DOCK1: variants seen among roughly 807,000 people sequenced by gnomAD.
The protein encoded by DOCK1 is dedicator of cytokinesis protein 1.
DOCK1 carries 138 observed loss-of-function variants against 262.7 expected under a neutral mutation model. The observed-to-expected ratio is 0.53, with a 90% CI of 0.46 to 0.61. DOCK1 has a LOEUF of 0.61. Among genes scored for constraint, DOCK1 ranks in the 20% least tolerant of loss-of-function variants. DOCK1 has a pLI of 0.00. For missense variants in DOCK1, 1,908 were observed against 2,370.7 expected, an observed-to-expected ratio of 0.80 and a Z score of 4.05; for synonymous variants, 866 against 867.4, an observed-to-expected ratio of 1.00 and a Z score of 0.03.
intron 25 of DOCK1, among the ~76,000 whole-genome samples, chr10:127,112,767 C>G (rs2048943516): frequency 6.6e-6 from 1 of 152,178 alleles, no homozygotes. Flanking sequence ...ATTGCCCCAT[C>G]AGTAGAAGTT....
intron 11 of DOCK1, among the ~76,000 whole-genome samples, chr10:127,009,557 TA>T (rs1446552072): frequency 2.6e-5 from 4 of 152,114 alleles, no homozygotes; most frequent in African/African-American, 9.7e-5. Flanking sequence ...AGGTTAATTG[TA>T]AGAGACAGCT....
At position 127,447,426 on chromosome 10, in the gene DOCK1, G is replaced by A. The variant is rs764000818; in HGVS notation, c.5446G>A (p.Val1816Met). Residue 1816 changes from valine to methionine, a missense_variant, in exon 51 of 52, where the codon GTG becomes ATG. By Grantham distance (21) the Val-to-Met change is conservative (BLOSUM62 1). Around this residue, in one of 9 missense-constraint regions of DOCK1, gnomAD observed 383 missense variants for 420.1 expected, o/e 0.91. Transcript: ENST00000623213. ...GCTGAACGGCATGACGGGGGCGGAC[G>A]TGGCCGATGTCCCACCCCCTCTGCC... ...LELNGMTGAD[V>M]ADVPPPLPLK... 46 of 1,613,072 alleles carry A rather than the reference G, an allele frequency of 2.9e-5. No homozygotes were observed. The highest frequency in any genetic ancestry group is 3.3e-4 in the Middle Eastern group (2 of 6,082).
intron 27 of DOCK1, among the ~76,000 whole-genome samples, chr10:127,167,879 A>G (rs1437210795): frequency 1.3e-5 from 2 of 152,096 alleles, no homozygotes; most frequent in Admixed American, 6.5e-5. Context: ...CCTGTGTTCA[A>G]GCTCCTCCCC....
chr10:127,381,475 T>G (rs1998864), intron 37 of DOCK1, 107 bp downstream of exon 37: 242,219 of 911,482 alleles, frequency 0.27, 34,256 homozygotes, highest in East Asian at 0.45. Context: ...TAACTTAAGG[T>G]TTTATGAAAT....
At chr10:126,912,250 G>A (rs2134021275) in intron 1 of DOCK1, among the ~76,000 whole-genome samples, 1 of 152,112 alleles carries the variant, frequency 6.6e-6, no homozygotes, top group East Asian at 1.9e-4. Context: ...CCAATATGGT[G>A]AAACCCCATC....
intron 1 of DOCK1, among the ~76,000 whole-genome samples, chr10:126,909,384 C>T (rs550357940): frequency 1.3e-5 from 2 of 152,282 alleles, no homozygotes; most frequent in South Asian, 2.1e-4. Context: ...AGCTGCTGGG[C>T]GTGTGGCCTG....
At chr10:126,961,664 A>G (rs1399440906) in intron 1 of DOCK1, among the ~76,000 whole-genome samples, 3 of 152,208 alleles carry the variant, frequency 2.0e-5, no homozygotes, top group Non-Finnish European at 4.4e-5. Context: ...CCGTGTTGTA[A>G]TGTGTCAACA....
intron 1 of DOCK1, among the ~76,000 whole-genome samples, chr10:126,940,393 A>G (rs1312804743): frequency 6.6e-6 from 1 of 152,160 alleles, no homozygotes; most frequent in African/African-American, 2.4e-5. Flanking sequence ...CTTCGTACTC[A>G]ATATTCAGAG....
At chr10:126,951,763 T>G (rs1369693220) in intron 1 of DOCK1, among the ~76,000 whole-genome samples, 2 of 151,808 alleles carry the variant, frequency 1.3e-5, no homozygotes, top group Admixed American at 1.3e-4. Context: ...CTAAATCAAA[T>G]GGAAACACGC....
chr10:127,034,468 T>A (rs2043454379), intron 18 of DOCK1, among the ~76,000 whole-genome samples: 1 of 152,136 alleles, frequency 6.6e-6, no homozygotes, highest in Non-Finnish European at 1.5e-5. Flanking sequence ...CAAGATAAGA[T>A]CTGGGTGTGG....
chr10:127,406,849 TTTA>T (rs754552052), intron 40 of DOCK1, among the ~76,000 whole-genome samples: 1 of 152,236 alleles, frequency 6.6e-6, no homozygotes, highest in African/African-American at 2.4e-5. Context: ...TATATACATT[TTTA>T]TTATTATGTT....
intron 16 of DOCK1, among the ~76,000 whole-genome samples, chr10:127,026,959 T>A (rs890222231): frequency 1.3e-5 from 2 of 152,262 alleles, no homozygotes; most frequent in Admixed American, 6.5e-5. Flanking sequence ...TGAAATTTGT[T>A]CCATCACATT....
chr10:126,977,953 T>G lies in DOCK1; in HGVS notation c.136T>G (p.Tyr46Asp). The change falls in exon 3 of 52, where the codon TAC (tyrosine) becomes GAC (aspartate). Residue 46 changes from tyrosine to aspartate, a missense_variant. Transcript: ENST00000623213. ...VHILETYEGW[Y>D]RGYTLRKKSK... Reference sequence around the variant, plus strand: ...TCAACTTTGTGTTTGTTTAGGGTGGTACCGAGGTTACACGTTACGAAAAAA... The same window carrying G: ...TCAACTTTGTGTTTGTTTAGGGTGGGACCGAGGTTACACGTTACGAAAAAA... 1 of 1,614,006 alleles carries G rather than the reference T, an allele frequency of 6.2e-7. No individual in the cohort carries two copies. The highest frequency in any genetic ancestry group is 1.1e-5 in the South Asian group (1 of 91,078).
chr10:127,276,587 C>A (rs886262229), intron 29 of DOCK1, among the ~76,000 whole-genome samples: 1 of 152,118 alleles, frequency 6.6e-6, no homozygotes, highest in Non-Finnish European at 1.5e-5. Flanking sequence ...ACTGGTGACA[C>A]GGACATTTCA....
chr10:127,221,721 A>T (rs1312261639), intron 27 of DOCK1, among the ~76,000 whole-genome samples: 3 of 152,236 alleles, frequency 2.0e-5, no homozygotes, highest in Non-Finnish European at 4.4e-5. Context: ...TGTCCGGTGC[A>T]ACTCAGGGGA....
At chr10:127,244,750 AT>A (rs1014788666) in intron 27 of DOCK1, among the ~76,000 whole-genome samples, 5 of 152,104 alleles carry the variant, frequency 3.3e-5, no homozygotes, top group Admixed American at 3.3e-4. Context: ...AATATGTCTT[AT>A]TTTTACTTAT....
intron 31 of DOCK1, among the ~76,000 whole-genome samples, chr10:127,352,155 C>T (rs1205151066): frequency 2.2e-5 from 3 of 136,694 alleles, no homozygotes; most frequent in Non-Finnish European, 3.2e-5. Context: ...TGCAGGGAGG[C>T]GGGGAGGGGT....
Position 127,095,661 on chromosome 10 carries a change from CTGTGTG to C in DOCK1, c.2446-10545_2446-10540del, listed in dbSNP as rs61224822. ...TGACACAACCACGTGGGCCAGGAAGCTGTGTGTGTGTGTGTGTGTGTGTGTGTGTGA... is the reference window on the plus strand; with the variant it reads ...TGACACAACCACGTGGGCCAGGAAGCTGTGTGTGTGTGTGTGTGTGTGTGA... On this transcript the variant is annotated intron_variant, in intron 23 of 51. Transcript: ENST00000623213. 6.5e-3 allele frequency among the ~76,000 whole-genome samples: 959 copies of C among 148,178 alleles called. 6 individuals carry two copies. Among genetic ancestry groups the C allele is most frequent in the African/African-American group, 0.022 (900 of 40,268 alleles).
At chr10:126,962,407 C>T (rs898547613) in intron 1 of DOCK1, among the ~76,000 whole-genome samples, 29 of 152,234 alleles carry the variant, frequency 1.9e-4, no homozygotes, top group African/African-American at 6.8e-4. Flanking sequence ...GATCCACCCA[C>T]CTTGGCCTCC....
Sources: gnomAD v4.1 joint callset for allele counts (sites outside exome capture counted in the v4.1 genomes callset) on GRCh38, gnomAD v4.1.1 for gene constraint, gnomAD v4.1.1 regional missense constraint, MANE v1.5 for transcripts, NCBI Gene and HGNC (gene_info 2026-07-23, HGNC 2026-07-21) for gene names.